The following DPP10 variants were observed in gnomAD, a reference collection of about 807,000 sequenced individuals.
The protein encoded by DPP10 is inactive dipeptidyl peptidase 10.
Under a neutral mutation model 120.9 loss-of-function variants are expected in DPP10, and 33 were observed. That is an observed-to-expected ratio of 0.27 (90% confidence interval 0.21 to 0.37). The LOEUF (loss-of-function observed/expected upper bound fraction) is 0.37. DPP10 is among the 10% of genes least tolerant of loss of function. The pLI is 1.00. For missense variants in DPP10, 816 were observed against 942.8 expected (o/e 0.87, Z 1.76); for synonymous variants, 337 against 326.1 (o/e 1.03, Z -0.36).
intron 5 of DPP10, among the ~76,000 whole-genome samples, chr2:115,689,118 T>A (rs2091169889): frequency 1.3e-5 from 2 of 152,190 alleles, no homozygotes; most frequent in Non-Finnish European, 2.9e-5. Context: ...CAGAGTGAGA[T>A]GTGTCCTAAG....
At position 115,833,971 on chromosome 2, in the gene DPP10, G is replaced by A. The variant is rs139891941; in HGVS notation, c.1951-2186G>A. 3.5e-3 allele frequency among the ~76,000 whole-genome samples: 538 copies of A among 152,030 alleles called. 2 individuals are homozygous for A. The highest frequency in any genetic ancestry group is 0.01 in the African/African-American group (429 of 41,474). ...AGGTTAATACATTTACCTACCTAAG[G>A]GAAAATTTAAAATGGGCTACTTCCA... On this transcript the variant is annotated intron_variant, in intron 21 of 25. Coordinates refer to ENST00000410059, the MANE Select transcript of DPP10 (RefSeq NM_020868.6).
At chr2:114,770,345 C>T (rs1681140946) in intron 1 of DPP10, among the ~76,000 whole-genome samples, 2 of 152,112 alleles carry the variant, frequency 1.3e-5, no homozygotes, top group South Asian at 4.1e-4. Context: ...ACAATAACAA[C>T]AGTACTGTGG....
intron 5 of DPP10, among the ~76,000 whole-genome samples, chr2:115,557,462 C>T (rs193172862): frequency 3.3e-5 from 5 of 152,278 alleles, no homozygotes; most frequent in African/African-American, 1.2e-4. Flanking sequence ...AAGAACCCTA[C>T]CCTCCATCTG....
chr2:114,986,935 C>T (rs961492404), intron 1 of DPP10, among the ~76,000 whole-genome samples: 1 of 151,998 alleles, frequency 6.6e-6, no homozygotes, highest in Non-Finnish European at 1.5e-5. Context: ...CCATGACTGG[C>T]TAATTTTTTT....
In DPP10 at chr2:115,793,251, G is replaced by A. The variant is rs572920735; in HGVS notation, c.1700+1895G>A. On this transcript the variant is annotated intron_variant, in intron 19 of 25. Transcript: ENST00000410059. ...AGGACTGGGTTCAAGTTGGAGTGCT[G>A]AGATTTAACAATACACTGCTGAATT... 2.5e-3 allele frequency among the ~76,000 whole-genome samples: 388 copies of A among 152,188 alleles called. 2 individuals are homozygous for A. Among genetic ancestry groups the A allele is most frequent in the African/African-American group, 9.1e-3 (376 of 41,536 alleles).
intron 1 of DPP10, among the ~76,000 whole-genome samples, chr2:114,776,356 C>G (rs922675461): frequency 6.6e-6 from 1 of 152,096 alleles, no homozygotes; most frequent in Non-Finnish European, 1.5e-5. Context: ...CACACTATCT[C>G]CTCTGCTTGA....
intron 1 of DPP10, among the ~76,000 whole-genome samples, chr2:114,491,992 A>G (rs1024498153): frequency 1.3e-5 from 2 of 152,180 alleles, no homozygotes; most frequent in African/African-American, 4.8e-5. Context: ...GGACTAATGA[A>G]TGAATATAAG....
At chr2:114,652,772 T>C (rs1399662457) in intron 1 of DPP10, among the ~76,000 whole-genome samples, 1 of 152,198 alleles carries the variant, frequency 6.6e-6, no homozygotes, top group Non-Finnish European at 1.5e-5. Flanking sequence ...TGAGGGATTC[T>C]GGCAGGACTC....
chr2:115,422,286 A>T (rs774216774), intron 3 of DPP10, among the ~76,000 whole-genome samples: 1 of 152,194 alleles, frequency 6.6e-6, no homozygotes, highest in Non-Finnish European at 1.5e-5. Flanking sequence ...TGGAGTTTGA[A>T]TTAGTTTTTT....
At chr2:115,415,461 T>C (rs557492034) in intron 3 of DPP10, among the ~76,000 whole-genome samples, 1 of 152,230 alleles carries the variant, frequency 6.6e-6, no homozygotes, top group South Asian at 2.1e-4. Context: ...GTCCATCCTT[T>C]TGTATATGGT....
At chr2:115,478,072 A>G (rs956971052) in intron 3 of DPP10, among the ~76,000 whole-genome samples, 2 of 152,168 alleles carry the variant, frequency 1.3e-5, no homozygotes, top group East Asian at 1.9e-4. Flanking sequence ...AAAGGATGGC[A>G]CTAAGCCATT....
At chr2:114,975,947 A>G (rs114029792) in intron 1 of DPP10, among the ~76,000 whole-genome samples, 2,336 of 152,328 alleles carry the variant, frequency 0.015, 62 homozygotes, top group African/African-American at 0.053. Flanking sequence ...CACTGTACCC[A>G]GCCAATCAAT....
intron 1 of DPP10, among the ~76,000 whole-genome samples, chr2:114,904,938 G>A (rs1396723163): frequency 6.6e-6 from 1 of 152,058 alleles, no homozygotes; most frequent in Non-Finnish European, 1.5e-5. Context: ...AGGAGCTTAG[G>A]GATGAGACCC....
chr2:114,737,017 G>A (rs115033783), intron 1 of DPP10, among the ~76,000 whole-genome samples: 180 of 152,188 alleles, frequency 1.2e-3, no homozygotes, highest in African/African-American at 4.0e-3. Context: ...TGCCATCTAC[G>A]GTATTATCCA....
chr2:115,284,674 G>A (rs559911734), intron 1 of DPP10, among the ~76,000 whole-genome samples: 1 of 151,838 alleles, frequency 6.6e-6, no homozygotes. Context: ...CTACTGAATT[G>A]GGTGCAGTGA....
intron 8 of DPP10, among the ~76,000 whole-genome samples, chr2:115,734,188 G>A (rs1220852452): frequency 2.6e-5 from 4 of 152,160 alleles, no homozygotes; most frequent in Non-Finnish European, 4.4e-5. Flanking sequence ...ATAAATGAGA[G>A]TAGGCGATGC....
intron 1 of DPP10, among the ~76,000 whole-genome samples, chr2:114,726,167 C>T (rs542457212): frequency 8.6e-4 from 128 of 149,570 alleles, no homozygotes; most frequent in African/African-American, 2.7e-3. Flanking sequence ...ACCCGGGAGG[C>T]GGAGCTTGCA....
At position 114,937,366 on chromosome 2, in the gene DPP10, G is replaced by T. The variant is rs372240323; in HGVS notation, c.61-371873G>T. ...TGGTGTCCTTTCCACACTTTGTTTT[G>T]TTTGCTTTGTTGAAAAAAAAGTTGC... is the stretch of plus-strand genomic sequence containing the variant. On this transcript the variant is annotated intron_variant, in intron 1 of 25. Coordinates refer to ENST00000410059, the MANE Select transcript of DPP10 (RefSeq NM_020868.6). 2.0e-5 allele frequency among the ~76,000 whole-genome samples: 3 copies of T among 151,948 alleles called. No individual in the cohort carries two copies. The East Asian group carries it at 5.8e-4, about 29-fold the overall frequency.
intron 1 of DPP10, among the ~76,000 whole-genome samples, chr2:114,453,189 C>T (rs1678381405): frequency 2.0e-5 from 3 of 152,048 alleles, no homozygotes; most frequent in African/African-American, 7.2e-5. Context: ...ATATAAGTTG[C>T]ACCACACTGT....
Sources: gnomAD v4.1 joint callset for allele counts (sites outside exome capture counted in the v4.1 genomes callset) on GRCh38, gnomAD v4.1.1 for gene constraint, MANE v1.5 for transcripts, NCBI Gene and HGNC (gene_info 2026-07-23, HGNC 2026-07-21) for gene names.